The following TTC17 variants were observed in gnomAD, a reference collection of about 807,000 sequenced individuals.
The protein encoded by TTC17 is tetratricopeptide repeat domain 17.
TTC17 carries 58 observed loss-of-function variants against 143.8 expected under a neutral mutation model. The observed-to-expected ratio is 0.40, with a 90% CI of 0.33 to 0.50. The LOEUF is 0.50. TTC17 is among the 20% of genes least tolerant of loss of function. The pLI is 0.49. For missense variants in TTC17, 1,273 were observed against 1,392.5 expected, an observed-to-expected ratio of 0.91 and a Z score of 1.37; for synonymous variants, 501 against 497.8, an observed-to-expected ratio of 1.01 and a Z score of -0.09.
In TTC17 at chr11:43,373,424, C is replaced by T. The variant is rs377234473; in HGVS notation, c.160-5809C>T. Among the ~76,000 whole-genome samples the T allele has an allele frequency of 5.9e-5, 9 of 151,266 alleles. No homozygotes were observed. In the South Asian group the frequency reaches 1.3e-3, roughly 21 times the overall value. ...CTGCAAGCTCCACCTCCCAGGTTCA[C>T]GCCATTCTCCTGCCTCAGCCTCCCC... On this transcript the variant is annotated intron_variant, in intron 1 of 23. Coordinates refer to ENST00000039989, the MANE Select transcript of TTC17 (RefSeq NM_018259.6).
At chr11:43,432,608 A>G (rs888865846) in intron 16 of TTC17, among the ~76,000 whole-genome samples, 12 of 152,230 alleles carry the variant, frequency 7.9e-5, no homozygotes, top group African/African-American at 1.9e-4. Flanking sequence ...AGTGTAAGTC[A>G]TAGAATCTCC....
chr11:43,399,295 G>T (rs1247655297), intron 8 of TTC17, among the ~76,000 whole-genome samples: 1 of 152,194 alleles, frequency 6.6e-6, no homozygotes, highest in Non-Finnish European at 1.5e-5. Context: ...AAATAGAGTT[G>T]TTAAATACAT....
rs142789918 is a variant in TTC17, at chr11:43,367,527, G to C, written c.159+8414G>C. 7.2e-5 allele frequency among the ~76,000 whole-genome samples: 11 copies of C among 152,320 alleles called. No individual in the cohort carries two copies. In the East Asian group the frequency reaches 2.1e-3, roughly 29 times the overall value. ...GGGGTTCAGCAGTTGTTGCAGTTTAGAAGTCACTCTGGTGAAAGTAAACAG... is the reference window on the plus strand; with the variant it reads ...GGGGTTCAGCAGTTGTTGCAGTTTACAAGTCACTCTGGTGAAAGTAAACAG... On this transcript the variant is annotated intron_variant, in intron 1 of 23. Transcript: ENST00000039989.
chr11:43,403,938 T>C, intron 10 of TTC17, 60 bp from the exon 11 acceptor site: 1 of 1,450,742 alleles, frequency 6.9e-7, no homozygotes. Context: ...GTGAGTTAAA[T>C]TATAATCACA....
At chr11:43,478,471 C>A (rs1411622073) in intron 21 of TTC17, among the ~76,000 whole-genome samples, 2 of 152,098 alleles carry the variant, frequency 1.3e-5, no homozygotes, top group Non-Finnish European at 2.9e-5. Flanking sequence ...AGAATTTACC[C>A]ATGAAATTGT....
intron 21 of TTC17, among the ~76,000 whole-genome samples, chr11:43,453,256 A>C (rs1947698592): frequency 6.6e-6 from 1 of 152,210 alleles, no homozygotes; most frequent in Non-Finnish European, 1.5e-5. Flanking sequence ...ATAAGATTTG[A>C]GTCTTATTCT....
At chr11:43,469,075 G>A (rs1948038953) in intron 21 of TTC17, among the ~76,000 whole-genome samples, 2 of 152,052 alleles carry the variant, frequency 1.3e-5, no homozygotes, top group Non-Finnish European at 2.9e-5. Context: ...GTGAATAGAT[G>A]TTTCACAAAA....
At chr11:43,373,979 G>T (rs4755710) in intron 1 of TTC17, among the ~76,000 whole-genome samples, 6 of 152,170 alleles carry the variant, frequency 3.9e-5, no homozygotes, top group Non-Finnish European at 5.9e-5. Flanking sequence ...GCCACTTCAC[G>T]TTTTTTTTCC....
At chr11:43,419,172 T>C (rs954190736) in intron 16 of TTC17, among the ~76,000 whole-genome samples, 17 of 152,336 alleles carry the variant, frequency 1.1e-4, no homozygotes, top group Admixed American at 9.8e-4. Flanking sequence ...CCCAGATCCT[T>C]AGAAAGAATG....
chr11:43,494,077 C>A lies in TTC17; in HGVS notation c.*173C>A. The A allele has an allele frequency of 1.0e-6, 1 of 965,560 alleles. No homozygotes were observed. The allele number at this position is 965,560 out of a possible 1,614,324, so 59.8% of individuals were successfully genotyped here. ...GTTTGTTTTTGTTTTTACGTTTCTCCTTTCCCCCAACCAACCTCAGAAGAG... is the reference window on the plus strand; with the variant it reads ...GTTTGTTTTTGTTTTTACGTTTCTCATTTCCCCCAACCAACCTCAGAAGAG... On this transcript the variant is annotated 3_prime_UTR_variant, in exon 24 of 24. Transcript: ENST00000039989.
intron 10 of TTC17, among the ~76,000 whole-genome samples, chr11:43,401,963 G>A (rs192484790): frequency 2.3e-3 from 346 of 150,644 alleles, no homozygotes; most frequent in African/African-American, 8.1e-3. Flanking sequence ...GGGCAACAGA[G>A]CAAGACTGTG....
In TTC17 at chr11:43,407,202, A is replaced by G. The variant is rs1361724191; in HGVS notation, c.1826A>G (p.His609Arg). Residue 609 changes from histidine to arginine, a missense_variant, in exon 14 of 24, where the codon CAT (histidine) becomes CGT (arginine). This residue lies in a region of TTC17 where 878 missense variants were observed against 899.8 expected (regional missense o/e 0.98). Transcript: ENST00000039989. ...GAAGAAATTGGGTCTTTCTTATTTC[A>G]TGCTATTAATAAGGTGAGTCATTTA... is the stretch of plus-strand genomic sequence containing the variant. ...PEEEIGSFLF[H>R]AINKPNAPIW... 6.3e-7 allele frequency: 1 copy of G among 1,596,824 alleles called. No individual in the cohort carries two copies. The highest frequency in any genetic ancestry group is 1.8e-5 in the Admixed American group (1 of 56,350).
At chr11:43,395,372 T>G (rs1857546109) in intron 5 of TTC17, 1 of 152,004 alleles carries the variant, frequency 6.6e-6, no homozygotes, top group Admixed American at 6.6e-5. Flanking sequence ...AGTGCTGGGA[T>G]TACAGGCATG....
chr11:43,418,958 A>G (rs1046278176), intron 16 of TTC17, among the ~76,000 whole-genome samples: 2 of 152,136 alleles, frequency 1.3e-5, no homozygotes, highest in African/African-American at 2.4e-5. Context: ...TCTTTGATAC[A>G]TTCGATTTTA....
chr11:43,456,002 C>T (rs1323365555), intron 21 of TTC17, among the ~76,000 whole-genome samples: 1 of 152,016 alleles, frequency 6.6e-6, no homozygotes, highest in Non-Finnish European at 1.5e-5. Flanking sequence ...TACATCATGA[C>T]TAAAAGGCTA....
At chr11:43,416,761 A>C (rs969774891) in intron 16 of TTC17, among the ~76,000 whole-genome samples, 1 of 152,168 alleles carries the variant, frequency 6.6e-6, no homozygotes, top group Non-Finnish European at 1.5e-5. Context: ...TTAATTTACT[A>C]AATTTAGTTA....
At chr11:43,410,049 A>C (rs572701264) in intron 15 of TTC17, among the ~76,000 whole-genome samples, 2 of 151,892 alleles carry the variant, frequency 1.3e-5, no homozygotes, top group African/African-American at 4.8e-5. Flanking sequence ...ATTTTAATAG[A>C]AACATGTTGG....
At position 43,488,207 on chromosome 11, in the gene TTC17, G is replaced by A. The variant is rs563151205; in HGVS notation, c.3031-2032G>A. Among the ~76,000 whole-genome samples, 5 of 152,214 alleles carry A rather than the reference G, an allele frequency of 3.3e-5. No homozygotes were observed. The South Asian group carries it at 8.3e-4, about 25-fold the overall frequency. ...CAGTGACCACTGATTATATTCAGCT[G>A]TAAAACCAATACTAAAAGGTGAGGC... On this transcript the variant is annotated intron_variant, in intron 21 of 23. Transcript: ENST00000039989.
At chr11:43,446,684 C>G in intron 18 of TTC17, 3 of 984,812 alleles carry the variant, frequency 3.0e-6, no homozygotes, top group Non-Finnish European at 3.6e-6. Context: ...TTCTACTGTT[C>G]GTAAATTCCT....
Sources: gnomAD v4.1 joint callset for allele counts (sites outside exome capture counted in the v4.1 genomes callset) on GRCh38, gnomAD v4.1.1 for gene constraint, gnomAD v4.1.1 regional missense constraint, MANE v1.5 for transcripts, NCBI Gene and HGNC (gene_info 2026-07-23, HGNC 2026-07-21) for gene names.